The following NXPE2 variants were observed in gnomAD, a reference collection of about 807,000 sequenced individuals.
NXPE2 encodes the protein NXPE family member 2.
A neutral mutation model predicts 34.4 loss-of-function variants in NXPE2; 34 were observed. The ratio of observed to expected loss-of-function variants is 0.99; its 90% CI spans 0.75 to 1.31. The LOEUF (loss-of-function observed/expected upper bound fraction) is 1.31, where lower values mean the gene tolerates loss of function less well. NXPE2 is among the 40% of genes most tolerant of loss of function. The probability of loss-of-function intolerance (pLI) is 0.00; values close to 1 mark genes in which losing one functional copy is unlikely to be tolerated. For synonymous variants in NXPE2, 235 were observed against 231.3 expected, an observed-to-expected ratio of 1.02 and a Z score of -0.15; for missense variants, 649 against 672.5, an observed-to-expected ratio of 0.97 and a Z score of 0.39.
the NXPE2 span, among the ~76,000 whole-genome samples, chr11:114,636,053 C>T: frequency 6.6e-6 from 1 of 151,332 alleles, no homozygotes; most frequent in South Asian, 2.1e-4. Flanking sequence ...CCAGTTCCTC[C>T]TTGTACCTCT....
the NXPE2 span, among the ~76,000 whole-genome samples, chr11:114,590,962 C>A: frequency 6.6e-6 from 1 of 152,108 alleles, no homozygotes; most frequent in African/African-American, 2.4e-5. Context: ...TTGCCTAAAC[C>A]CAGCCACTTT....
At chr11:114,812,762 T>C in the NXPE2 span, among the ~76,000 whole-genome samples, 1 of 151,612 alleles carries the variant, frequency 6.6e-6, no homozygotes, top group African/African-American at 2.4e-5. Context: ...AATGAGATAG[T>C]GGTGTTGCTG....
At chr11:114,666,310 C>A in the NXPE2 span, among the ~76,000 whole-genome samples, 11 of 152,198 alleles carry the variant, frequency 7.2e-5, no homozygotes, top group African/African-American at 2.4e-4. Context: ...TAGCCTGAGG[C>A]CAGTTCCAGG....
the NXPE2 span, among the ~76,000 whole-genome samples, chr11:114,620,736 A>G: frequency 6.6e-6 from 1 of 151,958 alleles, no homozygotes; most frequent in Non-Finnish European, 1.5e-5. Context: ...AACCACAGTT[A>G]CCCGATGTAT....
At chr11:114,538,226 A>C in the NXPE2 span, among the ~76,000 whole-genome samples, 2 of 152,262 alleles carry the variant, frequency 1.3e-5, no homozygotes, top group Non-Finnish European at 2.9e-5. Flanking sequence ...GGCTAGCCAT[A>C]TGTAGAAAGC....
the NXPE2 span, among the ~76,000 whole-genome samples, chr11:114,630,288 G>A: frequency 6.6e-6 from 1 of 151,806 alleles, no homozygotes; most frequent in Non-Finnish European, 1.5e-5. Context: ...AAAGGCTACA[G>A]TAACCAAAAC....
the NXPE2 span, among the ~76,000 whole-genome samples, chr11:114,735,558 A>G: frequency 6.6e-6 from 1 of 152,246 alleles, no homozygotes; most frequent in Admixed American, 6.5e-5. Flanking sequence ...AAGATAAGGT[A>G]TGTATGTTGT....
chr11:114,523,873 A>G, the NXPE2 span, among the ~76,000 whole-genome samples: 1 of 152,248 alleles, frequency 6.6e-6, no homozygotes, highest in Non-Finnish European at 1.5e-5. Context: ...CTATACTGAT[A>G]CTACGTTCTG....
the NXPE2 span, among the ~76,000 whole-genome samples, chr11:114,650,354 T>C: frequency 6.6e-6 from 1 of 152,188 alleles, no homozygotes; most frequent in African/African-American, 2.4e-5. Context: ...GAAAAGAGGA[T>C]GTCACAATCA....
chr11:114,802,543 GCGTGGACTTTCTT>G, the NXPE2 span, among the ~76,000 whole-genome samples: 1 of 152,200 alleles, frequency 6.6e-6, no homozygotes, highest in African/African-American at 2.4e-5. Flanking sequence ...CTGGGGTCTA[GCGTGGACTTTCTT>G]ATTAGAGGAA....
the NXPE2 span, among the ~76,000 whole-genome samples, chr11:114,590,321 T>C: frequency 6.6e-6 from 1 of 152,184 alleles, no homozygotes; most frequent in Admixed American, 6.5e-5. Context: ...TAAAGTACCT[T>C]GGTTTAGTGC....
At chr11:114,612,639 C>T in the NXPE2 span, among the ~76,000 whole-genome samples, 7,425 of 151,864 alleles carry the variant, frequency 0.049, 603 homozygotes, top group African/African-American at 0.17. Flanking sequence ...AGTATTGCCT[C>T]GTGGGTAACC....
At chr11:114,597,601 G>T in the NXPE2 span, among the ~76,000 whole-genome samples, 1 of 152,134 alleles carries the variant, frequency 6.6e-6, no homozygotes, top group Admixed American at 6.5e-5. Flanking sequence ...ATGACACCTA[G>T]TGCCTAGACC....
the NXPE2 span, among the ~76,000 whole-genome samples, chr11:114,480,861 C>T: frequency 6.6e-6 from 1 of 152,112 alleles, no homozygotes; most frequent in East Asian, 1.9e-4. Context: ...ACAGTATGCT[C>T]CTTTTCAGGA....
chr11:114,774,901 T>TATGGCTGGACATTTAAAAA, the NXPE2 span, among the ~76,000 whole-genome samples: 1 of 152,334 alleles, frequency 6.6e-6, no homozygotes, highest in South Asian at 2.1e-4. Flanking sequence ...CGCTGGTACC[T>TATGGCTGGACATTTAAAAA]ATGGCTGGAC....
chr11:114,598,895 T>G, the NXPE2 span, among the ~76,000 whole-genome samples: 1 of 152,222 alleles, frequency 6.6e-6, no homozygotes, highest in Non-Finnish European at 1.5e-5. Context: ...CCAAGGCTTA[T>G]GGCTTGCACT....
chr11:114,668,366 T>C, the NXPE2 span, among the ~76,000 whole-genome samples: 4 of 151,842 alleles, frequency 2.6e-5, no homozygotes, highest in African/African-American at 9.7e-5. Context: ...AGTTCTCAAC[T>C]GCACAAACTA....
the NXPE2 span, among the ~76,000 whole-genome samples, chr11:114,485,566 C>CTA: frequency 2.0e-5 from 3 of 151,880 alleles, no homozygotes; most frequent in Middle Eastern, 3.2e-3. Flanking sequence ...TTATTGTTGA[C>CTA]TATAGTCACC....
chr11:114,563,217 C>T, the NXPE2 span, among the ~76,000 whole-genome samples: 3,354 of 152,058 alleles, frequency 0.022, 133 homozygotes, highest in African/African-American at 0.077. Context: ...ATGTTCAGTA[C>T]AAGAGGCAAT....
Sources: gnomAD v4.1 joint callset for allele counts (sites outside exome capture counted in the v4.1 genomes callset) on GRCh38, gnomAD v4.1.1 for gene constraint, MANE v1.5 for transcripts, NCBI Gene and HGNC (gene_info 2026-07-23, HGNC 2026-07-21) for gene names.